The following SETX variants were observed in gnomAD, a reference collection of about 807,000 sequenced individuals.
SETX encodes the protein senataxin.
A neutral mutation model predicts 227.2 loss-of-function variants in SETX; 90 were observed. The observed-to-expected ratio is 0.40, with a 90% CI of 0.33 to 0.47. The LOEUF is 0.47. Among genes scored for constraint, SETX ranks in the 20% least tolerant of loss-of-function variants. The probability of loss-of-function intolerance (pLI) is 0.91; values close to 1 mark genes in which losing one functional copy is unlikely to be tolerated. For missense variants in SETX, 3,052 were observed against 3,181.5 expected (o/e 0.96, Z 0.98); for synonymous variants, 1,210 against 1,113.2 (o/e 1.09, Z -1.73).
rs182145010 is a variant in SETX at position 132,342,892 on chromosome 9, A to C, written c.389-93T>G. 2.7e-4 allele frequency: 258 copies of C among 963,712 alleles called. 1 individual carries two copies. The Middle Eastern group carries it at 5.8e-3, about 22-fold the overall frequency. The allele number at this position is 963,712 out of a possible 1,614,324, so 59.7% of individuals were successfully genotyped here. ...CCTTGGGCTATTCTGTAAATAAATAAAAATTTGCTTTTTATTTTTCCAAAT... is the reference window on the plus strand; with the variant it reads ...CCTTGGGCTATTCTGTAAATAAATACAAATTTGCTTTTTATTTTTCCAAAT... On this transcript the variant is annotated intron_variant, in intron 4 of 25. Transcript: ENST00000224140.
chr9:132,307,072 T>C (rs1317036074), intron 11 of SETX, among the ~76,000 whole-genome samples: 5 of 152,140 alleles, frequency 3.3e-5, no homozygotes, highest in African/African-American at 1.2e-4. Context: ...CTGGCCAACA[T>C]GGCAAAGCCC....
At position 132,264,218 on chromosome 9, in the gene SETX, G is replaced by A; in HGVS notation, c.*21C>T. ...CAGTTTACAATATGCTGTGGCTGCTGGCCCATGTCACTGGGCTTTCCTATA... is the reference window on the plus strand; with the variant it reads ...CAGTTTACAATATGCTGTGGCTGCTAGCCCATGTCACTGGGCTTTCCTATA... On this transcript the variant is annotated 3_prime_UTR_variant, in exon 26 of 26. Transcript: ENST00000224140. 3 of 1,613,514 alleles carry A rather than the reference G, an allele frequency of 1.9e-6. No individual in the cohort carries two copies. The highest frequency in any genetic ancestry group is 2.5e-6 in the Non-Finnish European group (3 of 1,180,000).
chr9:132,286,679 G>A (rs1294151176), intron 17 of SETX, among the ~76,000 whole-genome samples, 185 bp from the exon 18 acceptor site: 1 of 152,208 alleles, frequency 6.6e-6, no homozygotes, highest in East Asian at 1.9e-4. Flanking sequence ...AGACTCAGCT[G>A]TGTTCTGTGC....
In SETX at chr9:132,330,403, G is replaced by C; in HGVS notation, c.1195C>G (p.Gln399Glu). Reference sequence around the variant, plus strand: ...GTGCTGTTATGAACACGCATGTCTTGACCAATATCTGACTGAAGTACACTG... The same window carrying C: ...GTGCTGTTATGAACACGCATGTCTTCACCAATATCTGACTGAAGTACACTG... ...LASVLQSDIG[Q>E]DMRVHNSTFL... Residue 399 changes from glutamine (Q) to glutamate (E), a missense_variant, in exon 10 of 26, where the codon CAA becomes GAA. Gln to Glu is a conservative substitution (Grantham distance 29). Around this residue, in one of 10 missense-constraint regions of SETX, gnomAD observed 39 missense variants for 84.8 expected, o/e 0.46. Transcript: ENST00000224140. 1 of 1,614,092 alleles carries C rather than the reference G, an allele frequency of 6.2e-7. No homozygotes were observed. The highest frequency in any genetic ancestry group is 8.5e-7 in the Non-Finnish European group (1 of 1,180,004).
At chr9:132,341,165 G>T in intron 5 of SETX, among the ~76,000 whole-genome samples, 1 of 152,108 alleles carries the variant, frequency 6.6e-6, no homozygotes, top group Non-Finnish European at 1.5e-5. Context: ...TGGCCAACCT[G>T]GTGAAACCCT....
chr9:132,318,269 G>A (rs373125321), intron 10 of SETX, among the ~76,000 whole-genome samples: 4 of 151,724 alleles, frequency 2.6e-5, no homozygotes, highest in South Asian at 4.2e-4. Flanking sequence ...CTATTTTTTC[G>A]AGAATATTTA....
At chr9:132,292,239 G>A (rs1844364504) in intron 15 of SETX, among the ~76,000 whole-genome samples, 1 of 151,588 alleles carries the variant, frequency 6.6e-6, no homozygotes, top group Admixed American at 6.6e-5. Context: ...AGCCAGCCTG[G>A]GCAACACGAG....
chr9:132,299,996 G>A (rs1844894351), intron 12 of SETX, among the ~76,000 whole-genome samples: 2 of 151,966 alleles, frequency 1.3e-5, no homozygotes, highest in South Asian at 4.2e-4. Flanking sequence ...CGGGACTGGT[G>A]GCGGATGCCT....
chr9:132,329,961 C>T lies in SETX; in HGVS notation c.1637G>A (p.Gly546Asp). Reference sequence around the variant, plus strand: ...AAGAGACTGCTGCCCAAGCTGATAACCTTCTTTAAGGAGACTTCTAATCAG... The same window carrying T: ...AAGAGACTGCTGCCCAAGCTGATAATCTTCTTTAAGGAGACTTCTAATCAG... ...VQLIRSLLKE[G>D]YQLGQQSLCK... The change falls in exon 10 of 26, where the codon GGT (glycine) becomes GAT (aspartate). Residue 546 changes from glycine (G) to aspartate (D), a missense_variant. Gly to Asp is a moderately conservative substitution (Grantham distance 94, BLOSUM62 -1). Around this residue, in one of 10 missense-constraint regions of SETX, gnomAD observed 179 missense variants for 197.1 expected, o/e 0.91. Transcript: ENST00000224140. The T allele has an allele frequency of 1.2e-6, 2 of 1,614,164 alleles. No homozygotes were observed. Among genetic ancestry groups the T allele is most frequent in the Non-Finnish European group, 1.7e-6 (2 of 1,180,004 alleles).
At position 132,277,067 on chromosome 9, in the gene SETX, C is replaced by A; in HGVS notation, c.6928G>T (p.Asp2310Tyr). 1 of 1,613,564 alleles carries A rather than the reference C, an allele frequency of 6.2e-7. No individual in the cohort carries two copies. The highest frequency in any genetic ancestry group is 8.5e-7 in the Non-Finnish European group (1 of 1,179,634). The change falls in exon 22 of 26, where the codon GAT (aspartate) becomes TAT (tyrosine). Residue 2310 changes from aspartate to tyrosine, a missense_variant. Asp to Tyr is a radical substitution (Grantham distance 160). Around this residue, in one of 10 missense-constraint regions of SETX, gnomAD observed 412 missense variants for 589.0 expected, o/e 0.70. Transcript: ENST00000224140. Reference protein sequence around the residue: ...FDVGDGSERRDNDSYINVQEI... With the variant: ...FDVGDGSERRYNDSYINVQEI... The stretch of plus-strand genomic sequence containing the variant: ...GGCAAGAGGAAAACATACTCATTAT[C>A]CCGTCTTTCTGAACCATCTCCAACA...
intron 18 of SETX, among the ~76,000 whole-genome samples, chr9:132,284,910 G>A (rs796142886): frequency 4.0e-5 from 6 of 149,360 alleles, no homozygotes; most frequent in South Asian, 2.1e-4. Flanking sequence ...ACGGAGTCTC[G>A]CTCTGTCACC....
rs373169449 is a variant in SETX at position 132,275,428 on chromosome 9, A to T, written c.6936-8T>A. On this transcript the variant is annotated splice_region_variant and splice_polypyrimidine_tract_variant and intron_variant, in intron 22 of 25. Coordinates refer to ENST00000224140, the MANE Select transcript of SETX (RefSeq NM_015046.7). ...TGAACATTTATATATGAGCTAAACA[A>T]GATGGAAAAAGAAAACACAGTGTTA... 3.9e-5 allele frequency: 62 copies of T among 1,589,900 alleles called. No homozygotes were observed. Among genetic ancestry groups the T allele is most frequent in the Non-Finnish European group, 5.3e-5 (62 of 1,160,052 alleles).
rs771010435 is a variant in SETX at position 132,298,228 on chromosome 9, A to G, written c.5633T>C (p.Ile1878Thr). The G allele has an allele frequency of 1.2e-6, 2 of 1,614,088 alleles. No homozygotes were observed. The highest frequency in any genetic ancestry group is 1.7e-6 in the Non-Finnish European group (2 of 1,179,976). The change falls in exon 13 of 26, where the codon ATT becomes ACT. Residue 1878 changes from isoleucine (I) to threonine (T), a missense_variant. Around this residue, in one of 10 missense-constraint regions of SETX, gnomAD observed 239 missense variants for 272.1 expected, o/e 0.88. Transcript: ENST00000224140. ...PANLNELVNC[I>T]VISSLVTTQR... ...TGTAGTTACCAGAGAACTGATTACA[A>G]TACAATTCACAAGTTCGTTTAAATT...
chr9:132,263,284 AC>A lies in SETX; in HGVS notation c.*954del, dbSNP rs1309526575. ...CAGAATCCCTTGGGAAATGTTGAACACACAGCTTCCCAGGCTTTCTGGAAAA... is the reference window on the plus strand; with the variant it reads ...CAGAATCCCTTGGGAAATGTTGAACAACAGCTTCCCAGGCTTTCTGGAAAA... On this transcript the variant is annotated 3_prime_UTR_variant, in exon 26 of 26. Transcript: ENST00000224140. 1.3e-5 allele frequency: 2 copies of A among 152,202 alleles called. No homozygotes were observed. Among genetic ancestry groups the A allele is most frequent in the Non-Finnish European group, 2.9e-5 (2 of 68,034 alleles). The allele number at this position is 152,202 out of a possible 1,614,324, so 9.4% of individuals were successfully genotyped here.
intron 11 of SETX, among the ~76,000 whole-genome samples, 155 bp from the exon 12 acceptor site, chr9:132,300,958 A>G (rs1844959727): frequency 6.6e-6 from 1 of 152,212 alleles, no homozygotes; most frequent in Admixed American, 6.5e-5. Flanking sequence ...TAATCCAATC[A>G]AAAACTTCAA....
At chr9:132,295,775 T>C in intron 15 of SETX, 97 bp downstream of exon 15, 2 of 1,087,756 alleles carry the variant, frequency 1.8e-6, no homozygotes, top group Non-Finnish European at 2.7e-6. Context: ...GTAGAAGCTA[T>C]TACCAGGACT....
intron 19 of SETX, 200 bp downstream of exon 19, chr9:132,283,064 C>T: frequency 1.5e-6 from 1 of 649,264 alleles, no homozygotes; most frequent in Admixed American, 2.5e-5. Context: ...AGACTAACCC[C>T]CAATACTGGA....
intron 10 of SETX, among the ~76,000 whole-genome samples, chr9:132,324,012 G>A (rs575346377): frequency 1.3e-5 from 2 of 152,204 alleles, no homozygotes; most frequent in Admixed American, 6.5e-5. Context: ...TCTTTATAAT[G>A]GGCCAGATAG....
chr9:132,264,525 T>TCCA lies in SETX; in HGVS notation c.7747_7748insTGG (p.Gln2582_Asp2583insVal). 1 of 1,613,954 alleles carries TCCA rather than the reference T, an allele frequency of 6.2e-7. No homozygotes were observed. The highest frequency in any genetic ancestry group is 8.5e-7 in the Non-Finnish European group (1 of 1,179,952). On this transcript the variant is annotated inframe_insertion, in exon 26 of 26. Transcript: ENST00000224140. ...AGCGGGCTGCTGTATATGGCTCAGG[T>TCCA]CCTGGTGAACGACAGGGAAGCCCGG...
Sources: allele counts gnomAD v4.1 joint callset (sites outside exome capture counted in the v4.1 genomes callset), GRCh38; gene constraint gnomAD v4.1.1; regional missense constraint gnomAD v4.1.1; transcripts MANE v1.5; gene names NCBI Gene and HGNC (gene_info 2026-07-23, HGNC 2026-07-21).